Variants in ST3GAL3 observed in about 807,000 individuals in gnomAD.
ST3GAL3 encodes CMP-N-acetylneuraminate-beta-1,4-galactoside alpha-2,3-sialyltransferase.
ST3GAL3 carries 21 observed loss-of-function variants against 50.1 expected under a neutral mutation model. The ratio of observed to expected loss-of-function variants is 0.42; its 90% confidence interval spans 0.30 to 0.60. ST3GAL3 has a LOEUF of 0.60. Ranked by LOEUF, ST3GAL3 falls within the 20% of genes least tolerant of loss-of-function variation. The pLI, the probability that ST3GAL3 is intolerant of heterozygous loss-of-function variation, is 0.19. For synonymous variants in ST3GAL3, 183 were observed against 190.0 expected (o/e 0.96, Z 0.30); for missense variants, 353 against 489.4 (o/e 0.72, Z 2.63).
At chr1:43,849,044 CCTT>C (rs1226560620) in intron 5 of ST3GAL3, among the ~76,000 whole-genome samples, 5 of 152,048 alleles carry the variant, frequency 3.3e-5, no homozygotes, top group Non-Finnish European at 5.9e-5. Flanking sequence ...TTTTCTTCTG[CCTT>C]CTTGAACATT....
At chr1:43,723,267 C>G (rs985745437) in intron 1 of ST3GAL3, among the ~76,000 whole-genome samples, 2 of 152,092 alleles carry the variant, frequency 1.3e-5, no homozygotes, top group African/African-American at 4.8e-5. Context: ...CACCACCACA[C>G]CCAGCTAAGT....
Position 43,797,267 on chromosome 1 carries a change from A to G in ST3GAL3, c.166+5118A>G, listed in dbSNP as rs530093169. The stretch of plus-strand genomic sequence containing the variant: ...TTAGCAAACAAAAAAAGAGGAAGAA[A>G]ATATAAAGAAGAACCAAATAAAGCA... On this transcript the variant is annotated intron_variant, in intron 3 of 11. Coordinates refer to ENST00000347631, the MANE Select transcript of ST3GAL3 (RefSeq NM_006279.5). Among the ~76,000 whole-genome samples, 3 of 152,302 alleles carry G rather than the reference A, an allele frequency of 2.0e-5. No homozygotes were observed. In the South Asian group the frequency reaches 6.2e-4, roughly 32 times the overall value.
At chr1:43,878,454 T>C (rs1278872626) in intron 5 of ST3GAL3, among the ~76,000 whole-genome samples, 1 of 152,182 alleles carries the variant, frequency 6.6e-6, no homozygotes, top group Non-Finnish European at 1.5e-5. Context: ...TGGTGAGGGT[T>C]GGCCTCAAGG....
At chr1:43,793,514 T>C (rs2058336580) in intron 3 of ST3GAL3, among the ~76,000 whole-genome samples, 1 of 152,198 alleles carries the variant, frequency 6.6e-6, no homozygotes, top group Non-Finnish European at 1.5e-5. Context: ...AAGAAGCTAA[T>C]GCTCAAAGAC....
intron 2 of ST3GAL3, among the ~76,000 whole-genome samples, chr1:43,787,703 T>C (rs2057519970): frequency 6.6e-6 from 1 of 152,246 alleles, no homozygotes; most frequent in African/African-American, 2.4e-5. Context: ...CTTACCCTTA[T>C]CACTTTATTT....
At chr1:43,911,510 T>G (rs2080836968) in intron 9 of ST3GAL3, among the ~76,000 whole-genome samples, 1 of 151,742 alleles carries the variant, frequency 6.6e-6, no homozygotes, top group Non-Finnish European at 1.5e-5. Flanking sequence ...TATAGATACA[T>G]CTATAGATAT....
chr1:43,839,828 G>A (rs893788278), intron 5 of ST3GAL3: 4 of 152,194 alleles, frequency 2.6e-5, no homozygotes, highest in African/African-American at 9.7e-5. Context: ...CACGTCATAT[G>A]GCAAAAGCAG....
intron 5 of ST3GAL3, among the ~76,000 whole-genome samples, chr1:43,854,448 C>T (rs973466070): frequency 7.2e-5 from 11 of 152,184 alleles, no homozygotes; most frequent in African/African-American, 2.7e-4. Flanking sequence ...TTCAAACTCC[C>T]TCCCAGTTCT....
At chr1:43,816,036 G>A (rs1271291549) in intron 4 of ST3GAL3, among the ~76,000 whole-genome samples, 2 of 152,118 alleles carry the variant, frequency 1.3e-5, no homozygotes, top group Non-Finnish European at 2.9e-5. Context: ...TCACATGGCC[G>A]ATGCTCAATA....
chr1:43,723,400 C>G (rs1031308803), intron 1 of ST3GAL3, among the ~76,000 whole-genome samples: 1 of 151,174 alleles, frequency 6.6e-6, no homozygotes, highest in Non-Finnish European at 1.5e-5. Flanking sequence ...TGAGCCACCA[C>G]GCCCGGCCTT....
chr1:43,728,721 G>A lies in ST3GAL3; in HGVS notation c.-30-7512G>A, dbSNP rs780626301. 8.7e-4 allele frequency among the ~76,000 whole-genome samples: 133 copies of A among 152,158 alleles called. 2 individuals are homozygous for A. Among genetic ancestry groups the A allele is most frequent in the Non-Finnish European group, 1.3e-3 (91 of 68,012 alleles). On this transcript the variant is annotated intron_variant, in intron 1 of 11. Coordinates refer to ENST00000347631, the MANE Select transcript of ST3GAL3 (RefSeq NM_006279.5). ...AGGTATGATCACGCCACTGCACTCT[G>A]GTCTGAATGACAGAAACTGTTTAAA...
intron 9 of ST3GAL3, chr1:43,918,987 A>G (rs995060225): frequency 7.7e-6 from 1 of 130,478 alleles, no homozygotes; most frequent in African/African-American, 2.9e-5. Context: ...ACTGTTTCCT[A>G]TTGCTGCAGT....
chr1:43,846,000 A>G (rs1273100339), intron 5 of ST3GAL3, among the ~76,000 whole-genome samples: 2 of 152,192 alleles, frequency 1.3e-5, no homozygotes, highest in Non-Finnish European at 2.9e-5. Context: ...CTCCAAATAT[A>G]CGTTATATGA....
chr1:43,917,529 T>A (rs1272321882), intron 9 of ST3GAL3, among the ~76,000 whole-genome samples: 3 of 74,284 alleles, frequency 4.0e-5, no homozygotes, highest in East Asian at 3.1e-4. Flanking sequence ...TATATTATAT[T>A]ATATAATATA....
intron 1 of ST3GAL3, among the ~76,000 whole-genome samples, chr1:43,720,770 C>A (rs1412613093): frequency 1.3e-5 from 2 of 152,186 alleles, no homozygotes. Context: ...TAGTTACATA[C>A]CCTCTTCCAC....
intron 5 of ST3GAL3, among the ~76,000 whole-genome samples, chr1:43,857,672 A>G (rs1349305229): frequency 2.1e-5 from 3 of 144,958 alleles, no homozygotes; most frequent in Non-Finnish European, 4.5e-5. Flanking sequence ...CTGGAGTGCA[A>G]TGGTGTGATT....
At chr1:43,919,955 A>C in intron 9 of ST3GAL3, 1 of 306,818 alleles carries the variant, frequency 3.3e-6, no homozygotes, top group Non-Finnish European at 6.3e-6. Flanking sequence ...CAGTCGATGG[A>C]GAGAGCCAGG....
intron 2 of ST3GAL3, among the ~76,000 whole-genome samples, chr1:43,759,065 G>GCACACACACACACACACACA (rs1553285693): frequency 1.3e-5 from 1 of 75,360 alleles, no homozygotes; most frequent in African/African-American, 4.0e-5. Context: ...AAAAGCGCGC[G>GCACACACACACACACACACA]CACACACACA....
intron 5 of ST3GAL3, chr1:43,839,097 C>T (rs992492305): frequency 6.5e-6 from 1 of 152,930 alleles, no homozygotes; most frequent in African/African-American, 2.4e-5. Flanking sequence ...CCTCCCATCC[C>T]TTAGAAGGCT....
Sources: allele counts gnomAD v4.1 joint callset (sites outside exome capture counted in the v4.1 genomes callset), GRCh38; gene constraint gnomAD v4.1.1; transcripts MANE v1.5; gene names NCBI Gene and HGNC (gene_info 2026-07-23, HGNC 2026-07-21).